Variants in AIG1 observed in about 807,000 individuals in gnomAD.
AIG1 encodes androgen-induced gene 1 protein.
Under a neutral mutation model 31.4 loss-of-function variants are expected in AIG1, and 23 were observed. The ratio of observed to expected loss-of-function variants is 0.73; its 90% CI spans 0.53 to 1.04. The LOEUF (loss-of-function observed/expected upper bound fraction) is 1.04. Among genes scored for constraint, AIG1 ranks in the 50% least tolerant of loss-of-function variants. The pLI, the probability that AIG1 is intolerant of heterozygous loss-of-function variation, is 0.00. For missense variants in AIG1, 274 were observed against 295.0 expected (o/e 0.93, Z 0.52); for synonymous variants, 100 against 110.5 (o/e 0.90, Z 0.60).
chr6:143,097,244 G>A lies in AIG1; in HGVS notation c.141+36178G>A, dbSNP rs146248480. Among the ~76,000 whole-genome samples the A allele has an allele frequency of 9.6e-3, 1,451 of 151,918 alleles. 16 individuals carry two copies. Among genetic ancestry groups the A allele is most frequent in the African/African-American group, 0.032 (1,326 of 41,398 alleles). On this transcript the variant is annotated intron_variant, in intron 1 of 5. Transcript: ENST00000357847. ...GTGGGGCTTGCTCTGTTACTTTGTA[G>A]TGGGAGAATTTCTCAGACATTCTGC...
At chr6:143,190,823 T>A (rs935542587) in intron 3 of AIG1, among the ~76,000 whole-genome samples, 2 of 152,190 alleles carry the variant, frequency 1.3e-5, no homozygotes, top group Non-Finnish European at 2.9e-5. Context: ...AAAACTCTTT[T>A]CCTTTAAAAG....
At chr6:143,104,072 T>A in intron 1 of AIG1, among the ~76,000 whole-genome samples, 1 of 152,158 alleles carries the variant, frequency 6.6e-6, no homozygotes, top group East Asian at 1.9e-4. Context: ...ACAGACTTGT[T>A]CCCCAGAAGC....
At position 143,328,408 on chromosome 6, in the gene AIG1, G is replaced by A. The variant is rs988886274; in HGVS notation, c.516-4874G>A. On this transcript the variant is annotated intron_variant, in intron 4 of 5. Transcript: ENST00000357847. The surrounding 1 kb of genome is among the most constrained non-coding windows in gnomAD (Gnocchi z 4.0). ...ATGAAAAACATTGGTTTGAAAGAAA[G>A]TTAAATACACAAGAGAAAGAAAGAC... is the stretch of plus-strand genomic sequence containing the variant. Among the ~76,000 whole-genome samples the A allele has an allele frequency of 6.6e-6, 1 of 152,150 alleles. No homozygotes were observed. The highest frequency in any genetic ancestry group is 2.4e-5 in the African/African-American group (1 of 41,432).
chr6:143,171,447 A>G (rs930791147), intron 3 of AIG1, among the ~76,000 whole-genome samples: 1 of 62,358 alleles, frequency 1.6e-5, no homozygotes, highest in African/African-American at 1.1e-4. Context: ...TATATAATAT[A>G]TATATTTAAT....
At chr6:143,066,994 G>T (rs1776773856) in intron 1 of AIG1, among the ~76,000 whole-genome samples, 1 of 151,958 alleles carries the variant, frequency 6.6e-6, no homozygotes, top group Non-Finnish European at 1.5e-5. Context: ...TCACAGCAAG[G>T]CTCCCACTAC....
chr6:143,164,454 T>C (rs1429600170), intron 2 of AIG1, among the ~76,000 whole-genome samples: 1 of 152,190 alleles, frequency 6.6e-6, no homozygotes, highest in Non-Finnish European at 1.5e-5. Context: ...CTAGATGAAC[T>C]TCTAAGTTAT....
At position 143,327,969 on chromosome 6, in the gene AIG1, G is replaced by C. The variant is rs1235499456; in HGVS notation, c.516-5313G>C. On this transcript the variant is annotated intron_variant, in intron 4 of 5. Coordinates refer to ENST00000357847, the MANE Select transcript of AIG1 (RefSeq NM_016108.4). The surrounding 1 kb of genome is among the most constrained non-coding windows in gnomAD (Gnocchi z 5.3). ...GAGATCTGGGTTAGGATATAAGTTTGTAAAATACCTGTGTATAAGTAGTGA... is the reference window on the plus strand; with the variant it reads ...GAGATCTGGGTTAGGATATAAGTTTCTAAAATACCTGTGTATAAGTAGTGA... Among the ~76,000 whole-genome samples, 1 of 152,182 alleles carries C rather than the reference G, an allele frequency of 6.6e-6. No homozygotes were observed. Among genetic ancestry groups the C allele is most frequent in the African/African-American group, 2.4e-5 (1 of 41,458 alleles).
At chr6:143,086,183 G>T (rs1332562657) in intron 1 of AIG1, among the ~76,000 whole-genome samples, 1 of 152,196 alleles carries the variant, frequency 6.6e-6, no homozygotes, top group Non-Finnish European at 1.5e-5. Flanking sequence ...GCTACGGGTT[G>T]TCAGTGGTTT....
Position 143,331,554 on chromosome 6 carries a change from G to A in AIG1, c.516-1728G>A, listed in dbSNP as rs1777071266. Reference sequence around the variant, plus strand: ...CAACATTTTACTCCTCTTTATGGCTGAGTAATATTCCATTGCATGCATATG... The same window carrying A: ...CAACATTTTACTCCTCTTTATGGCTAAGTAATATTCCATTGCATGCATATG... On this transcript the variant is annotated intron_variant, in intron 4 of 5. Transcript: ENST00000357847. This position sits in a 1 kb window ranked among gnomAD's most constrained non-coding sequence, Gnocchi z 4.1. Among the ~76,000 whole-genome samples the A allele has an allele frequency of 6.6e-6, 1 of 152,078 alleles. No individual in the cohort carries two copies. Among genetic ancestry groups the A allele is most frequent in the African/African-American group, 2.4e-5 (1 of 41,396 alleles).
downstream of AIG1, chr6:143,342,626 G>A (rs868014598): frequency 1.8e-6 from 2 of 1,111,998 alleles, no homozygotes; most frequent in East Asian, 4.7e-5. Context: ...CTGAAATCCA[G>A]GGGTCCAGAG....
At chr6:143,227,132 G>T (rs969213702) in intron 3 of AIG1, among the ~76,000 whole-genome samples, 1 of 152,004 alleles carries the variant, frequency 6.6e-6, no homozygotes, top group African/African-American at 2.4e-5. Context: ...ATAATTCACT[G>T]TCTGAACTTC....
intron 4 of AIG1, among the ~76,000 whole-genome samples, chr6:143,322,642 T>C (rs1351528440): frequency 6.6e-6 from 1 of 152,214 alleles, no homozygotes; most frequent in Admixed American, 6.5e-5. Context: ...TGGGACTGCA[T>C]GGAAGCACAT....
chr6:143,266,076 G>A (rs1198028222), intron 3 of AIG1, among the ~76,000 whole-genome samples: 3 of 152,202 alleles, frequency 2.0e-5, no homozygotes, highest in Admixed American at 6.5e-5. Context: ...TAAGCTGGGC[G>A]CCATGGCTCA....
chr6:143,186,600 T>C (rs867698448), intron 3 of AIG1: 1 of 152,250 alleles, frequency 6.6e-6, no homozygotes, highest in Non-Finnish European at 1.5e-5. Context: ...TTCCTTCTGA[T>C]ACCTACCTTC....
At chr6:143,129,239 C>T (rs552117226) in intron 1 of AIG1, among the ~76,000 whole-genome samples, 283 of 152,034 alleles carry the variant, frequency 1.9e-3, no homozygotes, top group Middle Eastern at 3.4e-3. Context: ...TGCAGTGAGC[C>T]GAGATCGCAC....
intron 1 of AIG1, among the ~76,000 whole-genome samples, chr6:143,087,752 T>G (rs191723953): frequency 1.6e-4 from 24 of 152,344 alleles, no homozygotes; most frequent in Admixed American, 1.6e-3. Context: ...TACTGACATC[T>G]TTAAGAGAAT....
Position 143,268,125 on chromosome 6 carries a change from A to G in AIG1, c.400-15985A>G, listed in dbSNP as rs891775051. Among the ~76,000 whole-genome samples the G allele has an allele frequency of 6.6e-6, 1 of 152,212 alleles. No homozygotes were observed. On this transcript the variant is annotated intron_variant, in intron 3 of 5. Coordinates refer to ENST00000357847, the MANE Select transcript of AIG1 (RefSeq NM_016108.4). This position sits in a 1 kb window ranked among gnomAD's most constrained non-coding sequence, Gnocchi z 5.0. ...AAAATAGGGAGGATTATGACTTGAT[A>G]TATAAAGTTTGGGAAATAAAGCCAT...
chr6:143,274,249 A>G (rs1006579053), intron 3 of AIG1, among the ~76,000 whole-genome samples: 2 of 152,216 alleles, frequency 1.3e-5, no homozygotes, highest in African/African-American at 2.4e-5. Flanking sequence ...CTCCATAGGC[A>G]GCAGAGCACT....
chr6:143,343,052 A>G (rs548436613), downstream of AIG1: 145 of 789,440 alleles, frequency 1.8e-4, no homozygotes, highest in Middle Eastern at 3.6e-3. Context: ...ACACGAAGAT[A>G]TGGACCATCA....
Sources: gnomAD v4.1 joint callset for allele counts (sites outside exome capture counted in the v4.1 genomes callset) on GRCh38, gnomAD v4.1.1 for gene constraint, Gnocchi (gnomAD v3.1) non-coding constraint, MANE v1.5 for transcripts, NCBI Gene and HGNC (gene_info 2026-07-23, HGNC 2026-07-21) for gene names.